ADGRL3: variants seen among roughly 807,000 people sequenced by gnomAD.
ADGRL3 encodes the protein calcium-independent alpha-latrotoxin receptor 3.
In ADGRL3, 62 loss-of-function variants were observed where a neutral mutation model predicts 153.5. That is an observed-to-expected ratio of 0.40 (90% CI 0.33 to 0.50). The LOEUF is 0.50. Ranked by LOEUF, ADGRL3 falls within the 20% of genes least tolerant of loss-of-function variation. The pLI is 0.47. For missense variants in ADGRL3, 1,641 were observed against 1,859.4 expected (o/e 0.88, Z 2.16); for synonymous variants, 710 against 672.5 (o/e 1.06, Z -0.86).
At chr4:62,049,713 A>G (rs1296913431) in intron 25 of ADGRL3, among the ~76,000 whole-genome samples, 1 of 152,154 alleles carries the variant, frequency 6.6e-6, no homozygotes, top group African/African-American at 2.4e-5. Context: ...CAGAGGGGAA[A>G]GATGCTGCTA....
chr4:61,972,008 GT>G (rs1326554093), intron 17 of ADGRL3, among the ~76,000 whole-genome samples: 2 of 151,766 alleles, frequency 1.3e-5, no homozygotes, highest in African/African-American at 2.4e-5. Context: ...GGGGTTGTTT[GT>G]TTTTTTCTTG....
At chr4:61,346,138 C>G (rs1046782361) in intron 1 of ADGRL3, among the ~76,000 whole-genome samples, 6 of 152,078 alleles carry the variant, frequency 3.9e-5, no homozygotes, top group African/African-American at 7.2e-5. Context: ...TACTGGTATG[C>G]ACCTATAGTT....
rs1480606482 is a variant in ADGRL3, at chr4:62,070,263, A to T, written c.3987A>T (p.Leu1329=). The T allele has an allele frequency of 6.2e-7, 1 of 1,604,686 alleles. No homozygotes were observed. Among genetic ancestry groups the T allele is most frequent in the Non-Finnish European group, 8.5e-7 (1 of 1,174,598 alleles). ...GCTATAACCATAACGAGACCGCCCT[A>T]GAGAAAAAGATTCTGAAGGAACTCA... The part of the protein sequence containing the change: ...DRGYNHNETA[L]EKKILKELTS... The change falls in exon 27 of 27, where the codon CTA becomes CTT. Residue 1329 remains leucine (L), a synonymous_variant. Coordinates refer to ENST00000683033, the MANE Select transcript of ADGRL3 (RefSeq NM_001387552.1).
In ADGRL3 at chr4:61,856,584, TTTTC is replaced by T. The variant is rs1476790632; in HGVS notation, c.1481-36070_1481-36067del. Among the ~76,000 whole-genome samples the T allele has an allele frequency of 5.8e-3, 497 of 85,798 alleles. 9 individuals are homozygous for T. The highest frequency in any genetic ancestry group is 0.018 in the African/African-American group (469 of 26,482). 56.3% of individuals were successfully genotyped at this position (85,798 alleles called of 152,430 possible). The stretch of plus-strand genomic sequence containing the variant: ...CTCTCTCTCTCTTTCTCTCTCTCTT[TTTTC>T]TCTCTCTCTCTCTCTCTTTTTTTTT... On this transcript the variant is annotated intron_variant, in intron 9 of 26. Transcript: ENST00000683033.
At chr4:62,014,287 T>C (rs915285845) in intron 21 of ADGRL3, among the ~76,000 whole-genome samples, 44 of 152,046 alleles carry the variant, frequency 2.9e-4, no homozygotes, top group Non-Finnish European at 5.9e-5. Flanking sequence ...GTGCTGCCAG[T>C]GGGCAACAAT....
intron 9 of ADGRL3, among the ~76,000 whole-genome samples, chr4:61,850,459 A>C (rs1002429606): frequency 2.0e-5 from 3 of 152,130 alleles, no homozygotes; most frequent in African/African-American, 7.2e-5. Flanking sequence ...TCAGACTTTC[A>C]CTTCTCTTAC....
rs771732117 is a variant in ADGRL3, at chr4:61,280,107, C to CTTTTTTTTT, written c.-240+78347_-240+78348insTTTTTTTTT. Among the ~76,000 whole-genome samples, 24 of 94,648 alleles carry CTTTTTTTTT rather than the reference C, an allele frequency of 2.5e-4. 2 individuals carry two copies. The highest frequency in any genetic ancestry group is 4.6e-4 in the African/African-American group (12 of 26,188). The allele number at this position is 94,648 out of a possible 152,430, so 62.1% of individuals were successfully genotyped here. A position where few individuals can be genotyped will look rare whatever the true frequency, so the allele number is the denominator to read the frequency against. On this transcript the variant is annotated intron_variant, in intron 1 of 26. Coordinates refer to ENST00000683033, the MANE Select transcript of ADGRL3 (RefSeq NM_001387552.1). Reference sequence around the variant, plus strand: ...AAAGTATTTTCTTTTCTTTTCTTTTCTTTTTCTTTTTTTTTTTTTTGAGAC... The same window carrying CTTTTTTTTT: ...AAAGTATTTTCTTTTCTTTTCTTTTCTTTTTTTTTTTTTTCTTTTTTTTTTTTTTGAGAC...
At chr4:61,706,155 C>T (rs951089750) in intron 6 of ADGRL3, among the ~76,000 whole-genome samples, 1 of 152,108 alleles carries the variant, frequency 6.6e-6, no homozygotes, top group African/African-American at 2.4e-5. Context: ...GGCGCGGTGG[C>T]TCACGCTTGT....
intron 3 of ADGRL3, among the ~76,000 whole-genome samples, chr4:61,513,711 G>T (rs1042897997): frequency 2.0e-5 from 3 of 152,012 alleles, no homozygotes; most frequent in African/African-American, 7.2e-5. Flanking sequence ...TGATTTAAAA[G>T]TTAAAACTTT....
chr4:61,849,872 A>G (rs1010249364), intron 9 of ADGRL3, among the ~76,000 whole-genome samples: 1 of 152,116 alleles, frequency 6.6e-6, no homozygotes, highest in African/African-American at 2.4e-5. Context: ...AAACATTGCC[A>G]TGGGTATTTT....
In ADGRL3 at chr4:61,432,789, G is replaced by C. The variant is rs546602471; in HGVS notation, c.-174+49600G>C. Among the ~76,000 whole-genome samples, 10 of 150,132 alleles carry C rather than the reference G, an allele frequency of 6.7e-5. No individual in the cohort carries two copies. The South Asian group carries it at 2.1e-3, about 32-fold the overall frequency. On this transcript the variant is annotated intron_variant, in intron 2 of 26. Coordinates refer to ENST00000683033, the MANE Select transcript of ADGRL3 (RefSeq NM_001387552.1). The stretch of plus-strand genomic sequence containing the variant: ...CTGCCTCAGCCTCCTGAGTAGCTGG[G>C]GTTATAGGCATGAGCCACCACGCCT...
chr4:61,343,425 T>G (rs1433501226), intron 1 of ADGRL3, among the ~76,000 whole-genome samples: 1 of 152,178 alleles, frequency 6.6e-6, no homozygotes, highest in East Asian at 1.9e-4. Context: ...ACCTTGCTTT[T>G]TATCCCTCAA....
intron 4 of ADGRL3, among the ~76,000 whole-genome samples, chr4:61,546,155 A>C (rs1367328444): frequency 6.6e-6 from 1 of 152,208 alleles, no homozygotes; most frequent in African/African-American, 2.4e-5. Flanking sequence ...ACATTTTAAG[A>C]CACAAATTGA....
chr4:61,655,466 A>G (rs1269675850), intron 5 of ADGRL3, among the ~76,000 whole-genome samples: 2 of 152,132 alleles, frequency 1.3e-5, no homozygotes, highest in African/African-American at 2.4e-5. Flanking sequence ...ATGCTTACCC[A>G]TCAGTCATCA....
At chr4:61,373,872 T>C (rs2096570995) in intron 1 of ADGRL3, among the ~76,000 whole-genome samples, 1 of 152,228 alleles carries the variant, frequency 6.6e-6, no homozygotes, top group African/African-American at 2.4e-5. Flanking sequence ...AGTCATGCAA[T>C]ATCTAAATAA....
At chr4:61,208,355 T>C (rs1738299546) in intron 1 of ADGRL3, among the ~76,000 whole-genome samples, 1 of 152,132 alleles carries the variant, frequency 6.6e-6, no homozygotes, top group Non-Finnish European at 1.5e-5. Context: ...TCACAGAAGA[T>C]TATGAAGATT....
intron 1 of ADGRL3, among the ~76,000 whole-genome samples, chr4:61,271,781 C>T (rs1306644442): frequency 6.6e-6 from 1 of 152,002 alleles, no homozygotes; most frequent in Non-Finnish European, 1.5e-5. Flanking sequence ...ATTTAGATGT[C>T]ATGAACATCT....
intron 4 of ADGRL3, among the ~76,000 whole-genome samples, chr4:61,568,628 G>C (rs1234117011): frequency 6.6e-6 from 1 of 152,092 alleles, no homozygotes; most frequent in Non-Finnish European, 1.5e-5. Context: ...CATAGTCTAT[G>C]TTAGTCCTGC....
chr4:61,561,359 T>C (rs2148976251), intron 4 of ADGRL3, among the ~76,000 whole-genome samples: 1 of 152,324 alleles, frequency 6.6e-6, no homozygotes, highest in East Asian at 1.9e-4. Context: ...TTGATCAAGA[T>C]TTAATTGCTT....
Sources: gnomAD v4.1 joint callset for allele counts (sites outside exome capture counted in the v4.1 genomes callset) on GRCh38, gnomAD v4.1.1 for gene constraint, MANE v1.5 for transcripts, NCBI Gene and HGNC (gene_info 2026-07-23, HGNC 2026-07-21) for gene names.